Variants in PRICKLE1 observed in about 807,000 individuals in gnomAD.
PRICKLE1 encodes prickle planar cell polarity protein 1, also known as prickle-like protein 1.
Under a neutral mutation model 70.2 loss-of-function variants are expected in PRICKLE1, and 14 were observed. That is an observed-to-expected ratio of 0.20 (90% CI 0.13 to 0.31). The LOEUF (loss-of-function observed/expected upper bound fraction) is 0.31. Ranked by LOEUF, PRICKLE1 falls within the 10% of genes least tolerant of loss-of-function variation. PRICKLE1 has a pLI of 1.00. For missense variants in PRICKLE1, 821 were observed against 1,026.2 expected (o/e 0.80, Z 2.73); for synonymous variants, 357 against 379.9 (o/e 0.94, Z 0.70).
intron 1 of PRICKLE1, among the ~76,000 whole-genome samples, chr12:42,557,845 A>G (rs1020654591): frequency 6.6e-6 from 1 of 152,218 alleles, no homozygotes; most frequent in Admixed American, 6.5e-5. Flanking sequence ...TACTCATTCC[A>G]GAATCATCAC....
chr12:42,493,347 G>A (rs1040197152), intron 1 of PRICKLE1, among the ~76,000 whole-genome samples: 8 of 151,838 alleles, frequency 5.3e-5, no homozygotes, highest in Non-Finnish European at 4.4e-5. Context: ...TATATACACC[G>A]TCTATGTACC....
intron 1 of PRICKLE1, among the ~76,000 whole-genome samples, chr12:42,550,824 T>C (rs1592021320): frequency 6.6e-6 from 1 of 152,320 alleles, no homozygotes; most frequent in East Asian, 1.9e-4. Flanking sequence ...ATTATAAAAT[T>C]GTCAAGAGAG....
intron 1 of PRICKLE1, among the ~76,000 whole-genome samples, chr12:42,557,252 A>G (rs1940427954): frequency 6.6e-6 from 1 of 152,180 alleles, no homozygotes; most frequent in African/African-American, 2.4e-5. Flanking sequence ...TTCAATACAT[A>G]GGCATTATCC....
intron 1 of PRICKLE1, among the ~76,000 whole-genome samples, chr12:42,505,823 A>T (rs766162446): frequency 6.6e-6 from 1 of 152,198 alleles, no homozygotes; most frequent in Non-Finnish European, 1.5e-5. Context: ...CTCTTAAACT[A>T]CACAGAAGCC....
At chr12:42,572,199 C>T (rs943509176) in intron 1 of PRICKLE1, among the ~76,000 whole-genome samples, 106 of 151,984 alleles carry the variant, frequency 7.0e-4, no homozygotes, top group African/African-American at 2.1e-3. Flanking sequence ...TTTGGGAGGC[C>T]GAGGCGGGCG....
At position 42,459,704 on chromosome 12, in the gene PRICKLE1, A is replaced by G; in HGVS notation, c.*105T>C. ...GTTGAGTTCTCATTTACATGGGCAA[A>G]GAAAGCACTTTAAACTATTTTCACA... On this transcript the variant is annotated 3_prime_UTR_variant, in exon 8 of 8. Coordinates refer to ENST00000345127, the MANE Select transcript of PRICKLE1 (RefSeq NM_153026.3). 1 of 1,346,138 alleles carries G rather than the reference A, an allele frequency of 7.4e-7. No homozygotes were observed. Among genetic ancestry groups the G allele is most frequent in the Non-Finnish European group, 1.1e-6 (1 of 946,782 alleles). The allele number at this position is 1,346,138 out of a possible 1,614,324, so 83.4% of individuals were successfully genotyped here.
At chr12:42,547,950 TTA>T (rs1327068204) in intron 1 of PRICKLE1, among the ~76,000 whole-genome samples, 1 of 152,252 alleles carries the variant, frequency 6.6e-6, no homozygotes, top group East Asian at 1.9e-4. Context: ...TGAAATTTAA[TTA>T]TGTTTCATAT....
intron 1 of PRICKLE1, among the ~76,000 whole-genome samples, chr12:42,584,842 C>T (rs1462516073): frequency 6.6e-6 from 1 of 152,136 alleles, no homozygotes; most frequent in Non-Finnish European, 1.5e-5. Flanking sequence ...TACGGGTCTG[C>T]ATCTCACAGC....
intron 1 of PRICKLE1, among the ~76,000 whole-genome samples, chr12:42,567,789 T>G (rs1325579682): frequency 8.0e-6 from 1 of 124,244 alleles, no homozygotes; most frequent in African/African-American, 3.1e-5. Context: ...ATCGTGCCAC[T>G]TCATCTCAAA....
At chr12:42,548,426 T>C (rs1940249665) in intron 1 of PRICKLE1, among the ~76,000 whole-genome samples, 1 of 152,190 alleles carries the variant, frequency 6.6e-6, no homozygotes, top group South Asian at 2.1e-4. Context: ...TTCGTAAGCA[T>C]AAGTCAATAT....
intron 1 of PRICKLE1, among the ~76,000 whole-genome samples, chr12:42,478,247 G>T (rs1938647555): frequency 6.6e-6 from 1 of 152,106 alleles, no homozygotes; most frequent in Non-Finnish European, 1.5e-5. Context: ...TATTGTCTTG[G>T]TCTTAAAATG....
intron 1 of PRICKLE1, among the ~76,000 whole-genome samples, chr12:42,505,235 T>G (rs1939388762): frequency 6.6e-6 from 1 of 152,230 alleles, no homozygotes; most frequent in Non-Finnish European, 1.5e-5. Context: ...CTTGGCCATG[T>G]ATCTGTGTGG....
intron 1 of PRICKLE1, among the ~76,000 whole-genome samples, chr12:42,561,905 CTTTTTTTT>C (rs60450733): frequency 0.019 from 1,627 of 87,268 alleles, 39 homozygotes; most frequent in African/African-American, 0.059. Context: ...TTTTTCTTTT[CTTTTTTTT>C]TTTTTTTTTT....
intron 1 of PRICKLE1, among the ~76,000 whole-genome samples, chr12:42,530,680 A>ATTTTTTTTTT (rs34675637): frequency 2.8e-4 from 27 of 97,114 alleles, no homozygotes; most frequent in South Asian, 7.6e-4. Flanking sequence ...TTATCAAATA[A>ATTTTTTTTTT]TTTTTTTTTT....
At chr12:42,522,317 C>G (rs371011850) in intron 1 of PRICKLE1, among the ~76,000 whole-genome samples, 1 of 152,018 alleles carries the variant, frequency 6.6e-6, no homozygotes, top group Non-Finnish European at 1.5e-5. Context: ...TACCCACACT[C>G]GTCTCAAACT....
chr12:42,477,057 T>G (rs556270552), intron 1 of PRICKLE1, among the ~76,000 whole-genome samples: 3 of 152,196 alleles, frequency 2.0e-5, no homozygotes, highest in Middle Eastern at 6.8e-3. Context: ...GTTCTTACGC[T>G]TGTAAAAAGT....
chr12:42,475,079 A>G (rs1255950613), intron 1 of PRICKLE1, among the ~76,000 whole-genome samples: 2 of 152,226 alleles, frequency 1.3e-5, no homozygotes, highest in Non-Finnish European at 2.9e-5. Flanking sequence ...CGTTAGCACT[A>G]CATGCCACCA....
intron 1 of PRICKLE1, among the ~76,000 whole-genome samples, chr12:42,552,876 T>C (rs906465712): frequency 6.6e-6 from 1 of 152,188 alleles, no homozygotes; most frequent in Admixed American, 6.5e-5. Context: ...CATCAGGCAA[T>C]AGATCCTCAT....
chr12:42,553,335 T>G (rs1260980752), intron 1 of PRICKLE1, among the ~76,000 whole-genome samples: 3 of 151,984 alleles, frequency 2.0e-5, no homozygotes, highest in Admixed American at 6.5e-5. Flanking sequence ...TCCCAGCTAC[T>G]TGGGAGGCTG....
Sources: gnomAD v4.1 joint callset for allele counts (sites outside exome capture counted in the v4.1 genomes callset) on GRCh38, gnomAD v4.1.1 for gene constraint, MANE v1.5 for transcripts, NCBI Gene and HGNC (gene_info 2026-07-23, HGNC 2026-07-21) for gene names.